FAM161A: variants seen among roughly 807,000 people sequenced by gnomAD.
FAM161A encodes FAM161 centrosomal protein A.
A neutral mutation model predicts 70.9 loss-of-function variants in FAM161A; 57 were observed. The observed-to-expected ratio is 0.80, with a 90% CI of 0.65 to 1.00. The LOEUF (loss-of-function observed/expected upper bound fraction) is 1.00. Ranked by LOEUF, FAM161A falls within the 50% of genes least tolerant of loss-of-function variation. The pLI is 0.00. For synonymous variants in FAM161A, 299 were observed against 295.7 expected (o/e 1.01, Z -0.12); for missense variants, 880 against 836.0 (o/e 1.05, Z -0.65).
chr2:61,818,358 A>T, the FAM161A span, among the ~76,000 whole-genome samples: 1 of 152,150 alleles, frequency 6.6e-6, no homozygotes, highest in South Asian at 2.1e-4. Context: ...CCCTGGCTGG[A>T]TCCTAATTTC....
At chr2:61,850,459 A>T (rs1274916608) in intron 1 of FAM161A, among the ~76,000 whole-genome samples, 1 of 152,092 alleles carries the variant, frequency 6.6e-6, no homozygotes, top group Non-Finnish European at 1.5e-5. Context: ...ATGTATGTAT[A>T]TCGACAGTGG....
the FAM161A span, chr2:61,803,300 T>C: frequency 1.6e-6 from 1 of 637,216 alleles, no homozygotes; most frequent in Admixed American, 2.0e-5. Flanking sequence ...TATGATTCCT[T>C]GGATTATGTA....
chr2:61,836,297 T>G, intron 4 of FAM161A, 188 bp from the exon 5 acceptor site: 13 of 538,870 alleles, frequency 2.4e-5, no homozygotes, highest in Non-Finnish European at 2.7e-5. Flanking sequence ...CTATACCGGT[T>G]AATTCTCATG....
chr2:61,840,232 A>G lies in FAM161A; in HGVS notation c.772T>C (p.Ser258Pro), dbSNP rs747747232. ...TGTACCATTTCGATATCTGATTTAG[A>G]TTTCATGGACTCTTCTTTTTTCTTC... ...EQKKKEESMK[S>P]KSDIEMVHKA... is the part of the protein sequence containing the mutation. The change falls in exon 3 of 7, where the codon TCT (serine) becomes CCT (proline). Residue 258 changes from serine to proline, a missense_variant. Transcript: ENST00000404929. 1.9e-6 allele frequency: 3 copies of G among 1,613,780 alleles called. No homozygotes were observed. Among genetic ancestry groups the G allele is most frequent in the Non-Finnish European group, 2.5e-6 (3 of 1,179,962 alleles).
chr2:61,836,000 TA>T lies in FAM161A; in HGVS notation c.1851+9del. ...ACTGACGATAGCTCTTAAATTCCAA[TA>T]AACACAACCTGAGCAACTCTTTCAA... On this transcript the variant is annotated intron_variant, in intron 5 of 6. Coordinates refer to ENST00000404929, the MANE Select transcript of FAM161A (RefSeq NM_001201543.2). 6.6e-7 allele frequency: 1 copy of T among 1,509,416 alleles called. No homozygotes were observed. Among genetic ancestry groups the T allele is most frequent in the Non-Finnish European group, 9.1e-7 (1 of 1,095,682 alleles). 93.5% of individuals were successfully genotyped at this position (1,509,416 alleles called of 1,614,324 possible). A position where few individuals can be genotyped will look rare whatever the true frequency, so the allele number is the denominator to read the frequency against.
chr2:61,853,910 C>T lies in FAM161A; in HGVS notation c.132G>A (p.Ala44=). 6.2e-7 allele frequency: 1 copy of T among 1,614,004 alleles called. No individual in the cohort carries two copies. ...DPLKALAAAE[A]ILEDEEEEKV... Reference sequence around the variant, plus strand: ...TCTCCTCCTCTTCGTCCTCCAAGATCGCCTCCGCTGCCGCCAGGGCCTTTA... The same window carrying T: ...TCTCCTCCTCTTCGTCCTCCAAGATTGCCTCCGCTGCCGCCAGGGCCTTTA... Residue 44 remains alanine, a synonymous_variant, in exon 1 of 7, where the codon GCG becomes GCA. Coordinates refer to ENST00000404929, the MANE Select transcript of FAM161A (RefSeq NM_001201543.2).
At chr2:61,803,476 A>G in the FAM161A span, 1 of 597,772 alleles carries the variant, frequency 1.7e-6, no homozygotes, top group East Asian at 3.0e-5. Context: ...GAAGGAGTAA[A>G]GATATTGCAA....
chr2:61,839,047 T>G (rs1672893573), intron 3 of FAM161A, among the ~76,000 whole-genome samples: 1 of 151,680 alleles, frequency 6.6e-6, no homozygotes, highest in African/African-American at 2.4e-5. Flanking sequence ...CACGCCCAGC[T>G]AATTTTTTGT....
At chr2:61,800,381 A>G in the FAM161A span, among the ~76,000 whole-genome samples, 1 of 152,190 alleles carries the variant, frequency 6.6e-6, no homozygotes, top group East Asian at 1.9e-4. Flanking sequence ...GTTTTCCCAC[A>G]TGGTCAGGAT....
chr2:61,834,945 T>C (rs912198621), intron 5 of FAM161A, among the ~76,000 whole-genome samples: 21 of 152,216 alleles, frequency 1.4e-4, no homozygotes, highest in Admixed American at 1.2e-3. Context: ...ATGATTATAA[T>C]GTAGAACAGC....
chr2:61,834,326 GAAC>G (rs1659143272), intron 5 of FAM161A, among the ~76,000 whole-genome samples: 1 of 152,062 alleles, frequency 6.6e-6, no homozygotes, highest in South Asian at 2.1e-4. Context: ...ATAAAGATGA[GAAC>G]AACAGACACT....
chr2:61,838,198 C>A (rs1314194287), intron 4 of FAM161A, among the ~76,000 whole-genome samples: 1 of 152,108 alleles, frequency 6.6e-6, no homozygotes, highest in Non-Finnish European at 1.5e-5. Context: ...AACCTTAGAA[C>A]AAAGCTCTTT....
At chr2:61,844,133 ACT>A (rs1029149303) in intron 1 of FAM161A, among the ~76,000 whole-genome samples, 14 of 151,846 alleles carry the variant, frequency 9.2e-5, no homozygotes, top group African/African-American at 3.1e-4. Context: ...ACAGAGCGAG[ACT>A]CTGTCTCCAA....
At chr2:61,818,349 C>G in the FAM161A span, among the ~76,000 whole-genome samples, 7 of 152,204 alleles carry the variant, frequency 4.6e-5, no homozygotes, top group African/African-American at 1.7e-4. Context: ...AGCCACCGTC[C>G]CTGGCTGGAT....
At chr2:61,834,332 C>T (rs1672692277) in intron 5 of FAM161A, among the ~76,000 whole-genome samples, 1 of 152,030 alleles carries the variant, frequency 6.6e-6, no homozygotes, top group South Asian at 2.1e-4. Flanking sequence ...ATGAGAACAA[C>T]AGACACTGGA....
chr2:61,846,505 C>T (rs1014176281), intron 1 of FAM161A, among the ~76,000 whole-genome samples: 2 of 152,168 alleles, frequency 1.3e-5, no homozygotes, highest in Non-Finnish European at 2.9e-5. Context: ...CTCATACAAG[C>T]CTGGGCTCCG....
intron 5 of FAM161A, among the ~76,000 whole-genome samples, chr2:61,829,243 G>A (rs1021576247): frequency 6.6e-6 from 1 of 152,138 alleles, no homozygotes; most frequent in Admixed American, 6.6e-5. Context: ...TTCTCTAAGT[G>A]GTAGTGGTCG....
In FAM161A at chr2:61,842,105, T is replaced by C. The variant is rs774460737; in HGVS notation, c.422+17A>G. On this transcript the variant is annotated intron_variant, in intron 2 of 6. Coordinates refer to ENST00000404929, the MANE Select transcript of FAM161A (RefSeq NM_001201543.2). ...TTTATTTTATACTCCACAAATAACA[T>C]TGAGTTACAAGCTTACCTGGAAGAG... 9.4e-6 allele frequency: 13 copies of C among 1,380,292 alleles called. No homozygotes were observed. The highest frequency in any genetic ancestry group is 6.7e-5 in the Admixed American group (4 of 59,754). The allele number at this position is 1,380,292 out of a possible 1,614,324, so 85.5% of individuals were successfully genotyped here.
intron 5 of FAM161A, among the ~76,000 whole-genome samples, chr2:61,830,044 G>A (rs564740088): frequency 6.6e-6 from 1 of 151,990 alleles, no homozygotes; most frequent in Non-Finnish European, 1.5e-5. Flanking sequence ...AGAAGTTAAT[G>A]AGAAGACCCC....
Sources: gnomAD v4.1 joint callset for allele counts (sites outside exome capture counted in the v4.1 genomes callset) on GRCh38, gnomAD v4.1.1 for gene constraint, MANE v1.5 for transcripts, NCBI Gene and HGNC (gene_info 2026-07-23, HGNC 2026-07-21) for gene names.